The following SNX30 variants were observed in gnomAD, a reference collection of about 807,000 sequenced individuals.
SNX30 encodes the protein sorting nexin-30.
A neutral mutation model predicts 46.4 loss-of-function variants in SNX30; 24 were observed. That is an observed-to-expected ratio of 0.52 (90% CI 0.37 to 0.73). SNX30 has a LOEUF of 0.73. Among genes scored for constraint, SNX30 ranks in the 30% least tolerant of loss-of-function variants. The pLI, the probability that SNX30 is intolerant of heterozygous loss-of-function variation, is 0.00. For synonymous variants in SNX30, 189 were observed against 211.5 expected (o/e 0.89, Z 0.92); for missense variants, 533 against 555.7 (o/e 0.96, Z 0.41).
At chr9:112,809,821 T>A (rs2131409805) in intron 2 of SNX30, among the ~76,000 whole-genome samples, 1 of 151,610 alleles carries the variant, frequency 6.6e-6, no homozygotes, top group African/African-American at 2.4e-5. Context: ...AAAACAAGCA[T>A]AGAGAGCAGT....
chr9:112,785,300 C>T (rs1451205405), intron 1 of SNX30, among the ~76,000 whole-genome samples: 1 of 151,846 alleles, frequency 6.6e-6, no homozygotes, highest in Admixed American at 6.6e-5. Flanking sequence ...CCTGCAGCCT[C>T]GACCTCCTGG....
chr9:112,808,505 A>G (rs7028709), intron 2 of SNX30, among the ~76,000 whole-genome samples: 5,601 of 152,312 alleles, frequency 0.037, 350 homozygotes, highest in African/African-American at 0.12. Flanking sequence ...GACTACAAGA[A>G]AGTAACATCA....
downstream of SNX30, among the ~76,000 whole-genome samples, chr9:112,883,592 A>T (rs1841609361): frequency 1.3e-5 from 2 of 152,116 alleles, no homozygotes; most frequent in South Asian, 4.2e-4. Flanking sequence ...TTATCATTAA[A>T]AAAAAGAAGA....
intron 6 of SNX30, among the ~76,000 whole-genome samples, chr9:112,840,494 G>GT (rs1431626933): frequency 1.3e-5 from 2 of 152,108 alleles, no homozygotes; most frequent in Non-Finnish European, 2.9e-5. Flanking sequence ...TTGTTTGTTT[G>GT]TTTTTTTGAG....
chr9:112,760,950 G>C (rs1053440526), intron 1 of SNX30, among the ~76,000 whole-genome samples: 1 of 152,172 alleles, frequency 6.6e-6, no homozygotes, highest in African/African-American at 2.4e-5. Context: ...CCAAGGTGAA[G>C]GGCAGAGACA....
Position 112,804,700 on chromosome 9 carries a change from G to C in SNX30, c.157-76G>C, listed in dbSNP as rs951105255. 3.0e-6 allele frequency: 4 copies of C among 1,340,036 alleles called. No homozygotes were observed. The African/African-American group carries it at 4.4e-5, about 15-fold the overall frequency. The allele number at this position is 1,340,036 out of a possible 1,614,324, so 83.0% of individuals were successfully genotyped here. Reference sequence around the variant, plus strand: ...GGGTTTTAGAAATGTTTATTGGTTTGGCTAAACCAGCTGCTTTTGCTGATA... The same window carrying C: ...GGGTTTTAGAAATGTTTATTGGTTTCGCTAAACCAGCTGCTTTTGCTGATA... On this transcript the variant is annotated intron_variant, in intron 1 of 8. Coordinates refer to ENST00000374232, the MANE Select transcript of SNX30 (RefSeq NM_001012994.2).
chr9:112,791,176 G>T (rs4979149), intron 1 of SNX30, among the ~76,000 whole-genome samples: 33,906 of 151,952 alleles, frequency 0.22, 4,740 homozygotes, highest in East Asian at 0.42. Flanking sequence ...ACCCCAAAAA[G>T]AAATTTGGTC....
intron 2 of SNX30, 81 bp downstream of exon 2, chr9:112,805,048 C>A: frequency 9.0e-7 from 1 of 1,112,444 alleles, no homozygotes; most frequent in Non-Finnish European, 1.3e-6. Flanking sequence ...TGCCTTTGCT[C>A]TCCCCCTTAT....
At chr9:112,812,623 GTA>G (rs1453034072) in intron 2 of SNX30, among the ~76,000 whole-genome samples, 4 of 152,166 alleles carry the variant, frequency 2.6e-5, no homozygotes, top group Non-Finnish European at 5.9e-5. Flanking sequence ...TTTTCTTGCT[GTA>G]TTAAGTTCCC....
intron 3 of SNX30, among the ~76,000 whole-genome samples, chr9:112,822,422 A>G (rs891660662): frequency 6.6e-6 from 1 of 151,810 alleles, no homozygotes; most frequent in African/African-American, 2.4e-5. Flanking sequence ...CCTTGCACAT[A>G]TTTAATGCAT....
At chr9:112,755,300 G>T (rs576176207) in intron 1 of SNX30, among the ~76,000 whole-genome samples, 6 of 152,344 alleles carry the variant, frequency 3.9e-5, no homozygotes, top group African/African-American at 1.4e-4. Flanking sequence ...ACTGTCCGGG[G>T]AGGGACTGCC....
At chr9:112,821,728 C>T (rs966023147) in intron 3 of SNX30, among the ~76,000 whole-genome samples, 2 of 151,900 alleles carry the variant, frequency 1.3e-5, no homozygotes, top group South Asian at 2.1e-4. Context: ...CCTCGTGTTC[C>T]GCCTGACTTG....
chr9:112,797,974 A>C (rs1412225232), intron 1 of SNX30, among the ~76,000 whole-genome samples: 4 of 150,324 alleles, frequency 2.7e-5, no homozygotes, highest in African/African-American at 9.8e-5. Context: ...CGCCTCCCAA[A>C]GTGCTGTAAT....
intron 6 of SNX30, 141 bp downstream of exon 6, chr9:112,838,838 C>A: frequency 1.4e-6 from 1 of 690,124 alleles, no homozygotes; most frequent in Non-Finnish European, 2.4e-6. Context: ...GGACTGACAT[C>A]ATGGACATAT....
chr9:112,823,832 GTA>G (rs1274966988), intron 3 of SNX30, among the ~76,000 whole-genome samples: 1 of 152,022 alleles, frequency 6.6e-6, no homozygotes, highest in African/African-American at 2.4e-5. Context: ...AAGTTAATAA[GTA>G]TTGAAACATT....
chr9:112,764,143 T>C (rs1484985243), intron 1 of SNX30, among the ~76,000 whole-genome samples: 1 of 152,060 alleles, frequency 6.6e-6, no homozygotes, highest in Non-Finnish European at 1.5e-5. Context: ...AAGATGATGT[T>C]TGAGCTGGAG....
In SNX30 at chr9:112,874,634, G is replaced by A. The variant is rs1349660723; in HGVS notation, c.*5791G>A. 6.6e-6 allele frequency: 1 copy of A among 152,138 alleles called. No homozygotes were observed. The highest frequency in any genetic ancestry group is 1.5e-5 in the Non-Finnish European group (1 of 68,034). The allele number at this position is 152,138 out of a possible 1,614,324, so 9.4% of individuals were successfully genotyped here. A position where few individuals can be genotyped will look rare whatever the true frequency, so the allele number is the denominator to read the frequency against. On this transcript the variant is annotated 3_prime_UTR_variant, in exon 9 of 9. Coordinates refer to ENST00000374232, the MANE Select transcript of SNX30 (RefSeq NM_001012994.2). ...AAGCTGTGATAAAAAAAGTGCTTGA[G>A]AGAGTGTGTTGATAAGAAAGTGATT...
chr9:112,793,804 G>GTTTTTTTTT (rs199882365), intron 1 of SNX30, among the ~76,000 whole-genome samples: 2 of 139,140 alleles, frequency 1.4e-5, no homozygotes, highest in African/African-American at 2.6e-5. Flanking sequence ...ACTGTTTTTT[G>GTTTTTTTTT]TTTTTTTTTT....
chr9:112,784,041 G>A (rs557253518), intron 1 of SNX30, among the ~76,000 whole-genome samples: 14 of 152,290 alleles, frequency 9.2e-5, no homozygotes, highest in Non-Finnish European at 1.9e-4. Flanking sequence ...TAGAATAATA[G>A]CAGTTTCTAA....
Sources: allele counts gnomAD v4.1 joint callset (sites outside exome capture counted in the v4.1 genomes callset), GRCh38; gene constraint gnomAD v4.1.1; transcripts MANE v1.5; gene names NCBI Gene and HGNC (gene_info 2026-07-23, HGNC 2026-07-21).